The following ERGIC1 variants were observed in gnomAD, a reference collection of about 807,000 sequenced individuals.
ERGIC1 encodes the protein endoplasmic reticulum-Golgi intermediate compartment protein 1.
ERGIC1 carries 19 observed loss-of-function variants against 38.3 expected under a neutral mutation model. That is an observed-to-expected ratio of 0.50 (90% CI 0.35 to 0.73). ERGIC1 has a LOEUF of 0.73. Ranked by LOEUF, ERGIC1 falls within the 30% of genes least tolerant of loss-of-function variation. The pLI is 0.01. For missense variants in ERGIC1, 294 were observed against 389.2 expected (o/e 0.76, Z 2.06); for synonymous variants, 124 against 157.6 (o/e 0.79, Z 1.60).
chr5:172,898,716 C>T (rs913387701), intron 3 of ERGIC1: 6 of 152,102 alleles, frequency 3.9e-5, no homozygotes, highest in Admixed American at 6.6e-5. Flanking sequence ...GGAGAGTAGA[C>T]CAGAGTCAGA....
In ERGIC1 at chr5:172,918,439, C is replaced by T. The variant is rs368105280; in HGVS notation, c.375+3601C>T. Reference sequence around the variant, plus strand: ...GTTTGAGGACTGAGTTCTGGCGCCCCGCCCAGTCACTTCGAGGTGGGGAGA... The same window carrying T: ...GTTTGAGGACTGAGTTCTGGCGCCCTGCCCAGTCACTTCGAGGTGGGGAGA... On this transcript the variant is annotated intron_variant, in intron 5 of 9. Transcript: ENST00000393784. 2.8e-4 allele frequency: 42 copies of T among 152,336 alleles called. No homozygotes were observed. In the East Asian group the frequency reaches 6.2e-3, roughly 22 times the overall value. 9.4% of individuals were successfully genotyped at this position (152,336 alleles called of 1,614,324 possible).
At chr5:172,911,037 T>C (rs1412725518) in intron 4 of ERGIC1, among the ~76,000 whole-genome samples, 2 of 152,178 alleles carry the variant, frequency 1.3e-5, no homozygotes, top group African/African-American at 2.4e-5. Context: ...GCGAGTGGAC[T>C]GGGCGCCCTC....
chr5:172,914,924 C>G (rs776560778), intron 5 of ERGIC1, 86 bp downstream of exon 5: 1 of 1,582,594 alleles, frequency 6.3e-7, no homozygotes, highest in Admixed American at 1.8e-5. Flanking sequence ...TGGAGGCACT[C>G]ACTCGACCTG....
intron 9 of ERGIC1, among the ~76,000 whole-genome samples, chr5:172,947,385 C>T (rs1194172957): frequency 6.6e-6 from 1 of 152,052 alleles, no homozygotes; most frequent in African/African-American, 2.4e-5. Context: ...ACTGTTTTGC[C>T]CAGGATGGGC....
chr5:172,889,528 C>A (rs1031210965), intron 2 of ERGIC1, among the ~76,000 whole-genome samples: 14 of 152,014 alleles, frequency 9.2e-5, no homozygotes, highest in African/African-American at 3.4e-4. Flanking sequence ...GATAGAGGAG[C>A]CTGGAGTGCC....
At chr5:172,851,511 T>TA (rs1167180591) in intron 1 of ERGIC1, among the ~76,000 whole-genome samples, 2 of 152,098 alleles carry the variant, frequency 1.3e-5, no homozygotes, top group Non-Finnish European at 2.9e-5. Context: ...TCCGTTTCAA[T>TA]AAAAAATAAA....
intron 5 of ERGIC1, 35 bp from the exon 6 acceptor site, chr5:172,923,970 C>A: frequency 6.2e-7 from 1 of 1,604,382 alleles, no homozygotes; most frequent in South Asian, 1.1e-5. Flanking sequence ...CTGGAGAAGT[C>A]AACCAAACTC....
chr5:172,932,342 G>A (rs1763796031), intron 7 of ERGIC1, 94 bp from the exon 8 acceptor site: 1 of 1,280,124 alleles, frequency 7.8e-7, no homozygotes, highest in Non-Finnish European at 1.1e-6. Flanking sequence ...CCCCTGCCGT[G>A]CCCAGGGAAT....
intron 1 of ERGIC1, among the ~76,000 whole-genome samples, chr5:172,859,910 A>AT (rs1341231487): frequency 3.3e-5 from 5 of 151,982 alleles, no homozygotes; most frequent in African/African-American, 9.7e-5. Context: ...GCTCTGTTCT[A>AT]TTTTTCCAAC....
rs77589581 is a variant in ERGIC1, at chr5:172,854,659, C to T, written c.20+20226C>T. The stretch of plus-strand genomic sequence containing the variant: ...GATGGGAGGGCGTGCTGGCCAGGGC[C>T]GGTTCCCGCCTTGTTCCCTGAGCAG... On this transcript the variant is annotated intron_variant, in intron 1 of 9. Transcript: ENST00000393784. 2.7e-3 allele frequency among the ~76,000 whole-genome samples: 415 copies of T among 152,362 alleles called. 2 individuals are homozygous for T. Among genetic ancestry groups the T allele is most frequent in the Non-Finnish European group, 4.7e-3 (321 of 68,042 alleles).
Position 172,841,020 on chromosome 5 carries a change from C to T in ERGIC1, c.20+6587C>T, listed in dbSNP as rs751987. Among the ~76,000 whole-genome samples, 616 of 152,312 alleles carry T rather than the reference C, an allele frequency of 4.0e-3. 5 individuals are homozygous for T. Among genetic ancestry groups the T allele is most frequent in the African/African-American group, 0.014 (564 of 41,566 alleles). ...GCCCAACATTTGCCACATGTATAGT[C>T]TCAGATGCCCTGTTGTTTATGGAGC... On this transcript the variant is annotated intron_variant, in intron 1 of 9. Coordinates refer to ENST00000393784, the MANE Select transcript of ERGIC1 (RefSeq NM_001031711.3).
intron 2 of ERGIC1, among the ~76,000 whole-genome samples, chr5:172,893,625 C>A (rs1353028499): frequency 1.3e-5 from 2 of 151,658 alleles, no homozygotes; most frequent in Non-Finnish European, 1.5e-5. Flanking sequence ...TTAATAGCCT[C>A]AGTTTGCGGG....
intron 2 of ERGIC1, among the ~76,000 whole-genome samples, chr5:172,893,935 G>GTGTGTGTGTGTGTGTGTGTGTGTATATA (rs1429850022): frequency 4.7e-5 from 2 of 42,822 alleles, no homozygotes; most frequent in South Asian, 8.7e-4. Context: ...GTGTGTGTGT[G>GTGTGTGTGTGTGTGTGTGTGTGTATATA]TATATATATA....
chr5:172,874,269 C>CG (rs995346213), intron 1 of ERGIC1, among the ~76,000 whole-genome samples: 7 of 151,822 alleles, frequency 4.6e-5, no homozygotes, highest in African/African-American at 1.5e-4. Flanking sequence ...TTAGTAGAGA[C>CG]GGGGTTTTAC....
rs746627630 is a variant in ERGIC1, at chr5:172,843,017, G to A, written c.20+8584G>A. ...AAATTAGCTGGGCATGGTGGTATGC[G>A]CCTGTAGTCCCAGCTAGTTGGGAGG... On this transcript the variant is annotated intron_variant, in intron 1 of 9. Coordinates refer to ENST00000393784, the MANE Select transcript of ERGIC1 (RefSeq NM_001031711.3). Among the ~76,000 whole-genome samples the A allele has an allele frequency of 4.6e-5, 7 of 152,102 alleles. No homozygotes were observed. In the South Asian group the frequency reaches 1.0e-3, roughly 22 times the overall value.
At position 172,834,582 on chromosome 5, in the gene ERGIC1, C is replaced by CG. The variant is rs1554105682; in HGVS notation, c.20+149_20+150insG. 50 of 625,628 alleles carry CG rather than the reference C, an allele frequency of 8.0e-5. 2 individuals carry two copies. The South Asian group carries it at 3.1e-3, about 39-fold the overall frequency. 38.8% of individuals were successfully genotyped at this position (625,628 alleles called of 1,614,324 possible). ...AGGCCCCTAGGGACCCCAGGCGAGC[C>CG]CCCCCCCTGCCGCACACGAAGCCAG... On this transcript the variant is annotated intron_variant, in intron 1 of 9. Coordinates refer to ENST00000393784, the MANE Select transcript of ERGIC1 (RefSeq NM_001031711.3). This position sits in a 1 kb window ranked among gnomAD's most constrained non-coding sequence, Gnocchi z 4.1.
Position 172,940,395 on chromosome 5 carries a change from C to A in ERGIC1, c.765+5085C>A, listed in dbSNP as rs868650873. On this transcript the variant is annotated intron_variant, in intron 9 of 9. Transcript: ENST00000393784. ...TAAACAGATTGTGTTTGACGACATG[C>A]AAGTAATCCCCTCCAAAGTGCTCCC... Among the ~76,000 whole-genome samples the A allele has an allele frequency of 1.9e-4, 29 of 152,242 alleles. No individual in the cohort carries two copies. The Middle Eastern group carries it at 0.01, about 54-fold the overall frequency.
At chr5:172,878,111 G>A (rs1194176058) in intron 1 of ERGIC1, among the ~76,000 whole-genome samples, 1 of 152,224 alleles carries the variant, frequency 6.6e-6, no homozygotes, top group Non-Finnish European at 1.5e-5. Flanking sequence ...GGTCAGAAAG[G>A]GTTATCACGG....
At chr5:172,855,696 G>A (rs1371607993) in intron 1 of ERGIC1, among the ~76,000 whole-genome samples, 2 of 152,248 alleles carry the variant, frequency 1.3e-5, no homozygotes, top group Non-Finnish European at 2.9e-5. Flanking sequence ...CAGGGAGCCA[G>A]GCCCGTCCAG....
Sources: allele counts gnomAD v4.1 joint callset (sites outside exome capture counted in the v4.1 genomes callset), GRCh38; gene constraint gnomAD v4.1.1; non-coding constraint Gnocchi (gnomAD v3.1); transcripts MANE v1.5; gene names NCBI Gene and HGNC (gene_info 2026-07-23, HGNC 2026-07-21).